CCDC88B: variants seen among roughly 807,000 people sequenced by gnomAD.
CCDC88B encodes coiled-coil and HOOK domain protein 88B, also known as coiled-coil domain-containing protein 88B.
CCDC88B carries 138 observed loss-of-function variants against 183.7 expected under a neutral mutation model. The observed-to-expected ratio is 0.75, with a 90% CI of 0.65 to 0.87. The LOEUF (loss-of-function observed/expected upper bound fraction) is 0.87, where lower values mean the gene tolerates loss of function less well. Among genes scored for constraint, CCDC88B ranks in the 40% least tolerant of loss-of-function variants. The probability of loss-of-function intolerance (pLI) is 0.00; values close to 1 mark genes in which losing one functional copy is unlikely to be tolerated. For missense variants in CCDC88B, 1,822 were observed against 1,965.6 expected (o/e 0.93, Z 1.38); for synonymous variants, 835 against 867.5 (o/e 0.96, Z 0.66).
chr11:64,345,772 C>T (rs909766323), intron 14 of CCDC88B, among the ~76,000 whole-genome samples: 6 of 152,106 alleles, frequency 3.9e-5, no homozygotes, highest in South Asian at 2.1e-4. Context: ...TTTGGGAGGC[C>T]GAGGTGGGTG....
chr11:64,356,672 C>T (rs528778134), intron 26 of CCDC88B: 24 of 332,714 alleles, frequency 7.2e-5, no homozygotes, highest in African/African-American at 4.8e-4. Flanking sequence ...CAGCTCAGCC[C>T]TAGACCCGGC....
chr11:64,345,231 A>G, intron 14 of CCDC88B, 74 bp downstream of exon 14: 1 of 1,477,652 alleles, frequency 6.8e-7, no homozygotes. Context: ...TGATTCCATC[A>G]GCAGCTGTTC....
rs115878644 is a variant in CCDC88B, at chr11:64,357,065, C to T, written c.4402C>T (p.Arg1468Cys). 3.9e-5 allele frequency: 63 copies of T among 1,604,944 alleles called. No individual in the cohort carries two copies. Among genetic ancestry groups the T allele is most frequent in the African/African-American group, 1.2e-4 (9 of 74,760 alleles). ...CCCTGAGGTACAGGAACCGGAGAAA[C>T]GTCCCCTCACCCCATCCCTCAGCCA... The part of the protein sequence containing the change: ...EGPEVQEPEK[R>C]PLTPSLSQ Residue 1468 changes from arginine to cysteine, a missense_variant, in exon 27 of 27, where the codon CGT becomes TGT. Coordinates refer to ENST00000356786, the MANE Select transcript of CCDC88B (RefSeq NM_032251.6).
At chr11:64,353,591 C>T in intron 22 of CCDC88B, 95 bp downstream of exon 22, 4 of 1,576,298 alleles carry the variant, frequency 2.5e-6, no homozygotes, top group Non-Finnish European at 3.5e-6. Flanking sequence ...AGGGTTGGAG[C>T]TGACCTTCCA....
chr11:64,345,247 G>C, intron 14 of CCDC88B, 90 bp downstream of exon 14: 2 of 1,403,654 alleles, frequency 1.4e-6, no homozygotes, highest in Non-Finnish European at 1.9e-6. Context: ...TGTTCAGTGG[G>C]TGCCCAGCAC....
rs776394865 is a variant in CCDC88B at position 64,342,085 on chromosome 11, T to C, written c.767T>C (p.Leu256Pro). 6.2e-7 allele frequency: 1 copy of C among 1,611,406 alleles called. No homozygotes were observed. Among genetic ancestry groups the C allele is most frequent in the South Asian group, 1.1e-5 (1 of 90,840 alleles). The change falls in exon 8 of 27, where the codon CTG (leucine) becomes CCG (proline). Residue 256 changes from leucine to proline, a missense_variant. Leu to Pro is a moderately conservative substitution (Grantham distance 98). Coordinates refer to ENST00000356786, the MANE Select transcript of CCDC88B (RefSeq NM_032251.6). ...CCCGCCGAGGGCCCCTCGCACCATC[T>C]GGCCCTGCAGCTGGCCAACGCCAAG... is the stretch of plus-strand genomic sequence containing the variant. The part of the protein sequence containing the change: ...RAPAEGPSHH[L>P]ALQLANAKAQ...
Position 64,344,316 on chromosome 11 carries a change from C to T in CCDC88B, c.1775C>T (p.Ala592Val). ...GAGACACAGGAGTCCCCGGAGAAGGCTGGCCGTAGATCCTCTCTCCAGAGC... is the reference window on the plus strand; with the variant it reads ...GAGACACAGGAGTCCCCGGAGAAGGTTGGCCGTAGATCCTCTCTCCAGAGC... ...PVETQESPEK[A>V]GRRSSLQSPA... The change falls in exon 14 of 27, where the codon GCT (alanine) becomes GTT (valine). Residue 592 changes from alanine (A) to valine (V), a missense_variant. Transcript: ENST00000356786. The surrounding 1 kb of genome is among the most constrained non-coding windows in gnomAD (Gnocchi z 4.5). The T allele has an allele frequency of 6.2e-7, 1 of 1,613,458 alleles. No individual in the cohort carries two copies.
rs1565397551 is a variant in CCDC88B, at chr11:64,344,221, T to TC, written c.1684dup (p.Leu562ProfsTer34). On this transcript the variant is annotated frameshift_variant, in exon 14 of 27. Coordinates refer to ENST00000356786, the MANE Select transcript of CCDC88B (RefSeq NM_032251.6). LOFTEE classifies it high-confidence loss of function. This position sits in a 1 kb window ranked among gnomAD's most constrained non-coding sequence, Gnocchi z 4.5. ...ATTCAGACCCACAGGAGGCAGAGAG[T>TC]CCCCTTCAGGCAGCTGCCATGGACC... 5.0e-6 allele frequency: 8 copies of TC among 1,611,242 alleles called. No individual in the cohort carries two copies. Among genetic ancestry groups the TC allele is most frequent in the Non-Finnish European group, 6.8e-6 (8 of 1,179,014 alleles).
In CCDC88B at chr11:64,357,157, C is replaced by T. The variant is rs2135317099; in HGVS notation, c.*63C>T. The T allele has an allele frequency of 6.3e-7, 1 of 1,591,798 alleles. No individual in the cohort carries two copies. Among genetic ancestry groups the T allele is most frequent in the African/African-American group, 1.3e-5 (1 of 74,656 alleles). On this transcript the variant is annotated 3_prime_UTR_variant, in exon 27 of 27. Transcript: ENST00000356786. ...CGGCACTGGAGTGTCAGCGGAGGCC[C>T]CAGGCAGCCCAAGAGCTCAGGGAGC... is the stretch of plus-strand genomic sequence containing the variant.
chr11:64,349,918 C>A, intron 16 of CCDC88B: 1 of 556,434 alleles, frequency 1.8e-6, no homozygotes, highest in Non-Finnish European at 3.2e-6. Context: ...ACTGCTCCGC[C>A]TGTCTCACCC....
Position 64,343,202 on chromosome 11 carries a change from G to T in CCDC88B, c.1086G>T (p.Val362=), listed in dbSNP as rs1175962643. 6.5e-7 allele frequency: 1 copy of T among 1,541,456 alleles called. No individual in the cohort carries two copies. Among genetic ancestry groups the T allele is most frequent in the Non-Finnish European group, 8.7e-7 (1 of 1,143,942 alleles). The stretch of plus-strand genomic sequence containing the variant: ...AGGAGGAGCGGGTGCTCTCGGGGGT[G>T]CTGGAGGCGTCCAAGGCGCTGCTGG... ...QLEEERVLSG[V]LEASKALLEE... Residue 362 remains valine, a synonymous_variant, in exon 11 of 27, where the codon GTG becomes GTT. Coordinates refer to ENST00000356786, the MANE Select transcript of CCDC88B (RefSeq NM_032251.6).
chr11:64,344,164 C>T lies in CCDC88B; in HGVS notation c.1623C>T (p.Leu541=), dbSNP rs201469975. 9 of 1,612,978 alleles carry T rather than the reference C, an allele frequency of 5.6e-6. No individual in the cohort carries two copies. The highest frequency in any genetic ancestry group is 2.7e-5 in the African/African-American group (2 of 74,972). The change falls in exon 14 of 27, where the codon CTC becomes CTT. Residue 541 remains leucine (L), a synonymous_variant. Transcript: ENST00000356786. This position sits in a 1 kb window ranked among gnomAD's most constrained non-coding sequence, Gnocchi z 4.5. ...DLAPPALDSV[L]EASAECPQAP... ...CTCCCCCGGCATTAGACTCAGTGCT[C>T]GAGGCATCAGCTGAGTGTCCCCAGG...
chr11:64,344,889 C>G lies in CCDC88B; in HGVS notation c.2348C>G (p.Ala783Gly). ...GCAGAGGCCGAGGCCCACCGGGAGG[C>G]AGAGGCCCAGGCCTGGGAGCAAGCC... ...RRAEAEAHREAEAQAWEQARL... is the reference protein window; with the variant it reads ...RRAEAEAHREGEAQAWEQARL... Residue 783 changes from alanine to glycine, a missense_variant, in exon 14 of 27, where the codon GCA becomes GGA. Transcript: ENST00000356786. This position sits in a 1 kb window ranked among gnomAD's most constrained non-coding sequence, Gnocchi z 4.5. 2 of 1,594,662 alleles carry G rather than the reference C, an allele frequency of 1.3e-6. No individual in the cohort carries two copies. Among genetic ancestry groups the G allele is most frequent in the Non-Finnish European group, 1.7e-6 (2 of 1,170,572 alleles).
intron 1 of CCDC88B, 80 bp downstream of exon 1, chr11:64,340,406 G>A: frequency 1.5e-6 from 2 of 1,292,064 alleles, no homozygotes; most frequent in Admixed American, 3.3e-5. Flanking sequence ...GCCGGGGGAG[G>A]GTGAGGCAGA....
intron 14 of CCDC88B, chr11:64,348,954 G>A: frequency 4.2e-6 from 3 of 716,080 alleles, no homozygotes. Flanking sequence ...CACCTCTGCT[G>A]AGCCTCTCTA....
Position 64,344,789 on chromosome 11 carries a change from G to A in CCDC88B, c.2248G>A (p.Ala750Thr). ...KAEALGDELE[A>T]QARKLEAQNT... is the part of the protein sequence containing the mutation. Reference sequence around the variant, plus strand: ...TGAGGCCCTTGGAGATGAGCTGGAAGCCCAGGCCCGCAAGCTGGAGGCCCA... The same window carrying A: ...TGAGGCCCTTGGAGATGAGCTGGAAACCCAGGCCCGCAAGCTGGAGGCCCA... Residue 750 changes from alanine (A) to threonine (T), a missense_variant, in exon 14 of 27, where the codon GCC becomes ACC. Physicochemically the swap from Ala to Thr is moderately conservative, Grantham distance 58. Transcript: ENST00000356786. This position sits in a 1 kb window ranked among gnomAD's most constrained non-coding sequence, Gnocchi z 4.5. The A allele has an allele frequency of 1.2e-6, 2 of 1,613,642 alleles. No individual in the cohort carries two copies. Among genetic ancestry groups the A allele is most frequent in the Non-Finnish European group, 1.7e-6 (2 of 1,179,908 alleles).
chr11:64,354,438 C>G (rs2036462875), intron 24 of CCDC88B, among the ~76,000 whole-genome samples: 1 of 152,086 alleles, frequency 6.6e-6, no homozygotes, highest in Non-Finnish European at 1.5e-5. Flanking sequence ...GCAGTGGACT[C>G]TAGGGAGAGG....
chr11:64,345,356 G>T (rs913933183), intron 14 of CCDC88B, among the ~76,000 whole-genome samples, 199 bp downstream of exon 14: 1 of 152,152 alleles, frequency 6.6e-6, no homozygotes, highest in African/African-American at 2.4e-5. Context: ...TGATGGGGGC[G>T]CTGTGGGAGG....
At chr11:64,352,698 G>T (rs760669379) in intron 19 of CCDC88B, 46 bp from the exon 20 acceptor site, 1 of 1,611,992 alleles carries the variant, frequency 6.2e-7, no homozygotes, top group East Asian at 2.2e-5. Flanking sequence ...GCTGCTTGTG[G>T]TGGCCATAGG....
Sources: gnomAD v4.1 joint callset for allele counts (sites outside exome capture counted in the v4.1 genomes callset) on GRCh38, gnomAD v4.1.1 for gene constraint, Gnocchi (gnomAD v3.1) non-coding constraint, MANE v1.5 for transcripts, NCBI Gene and HGNC (gene_info 2026-07-23, HGNC 2026-07-21) for gene names.